TRMT1L: variants seen among roughly 807,000 people sequenced by gnomAD.
TRMT1L encodes tRNA methyltransferase 1L.
In TRMT1L, 28 loss-of-function variants were observed where a neutral mutation model predicts 81.6. That is an observed-to-expected ratio of 0.34 (90% CI 0.25 to 0.47). TRMT1L has a LOEUF of 0.47. TRMT1L is among the 20% of genes least tolerant of loss of function. TRMT1L has a pLI of 1.00. For missense variants in TRMT1L, 739 were observed against 877.1 expected (o/e 0.84, Z 1.99); for synonymous variants, 301 against 303.2 (o/e 0.99, Z 0.07).
intron 2 of TRMT1L, 141 bp from the exon 3 acceptor site, chr1:185,150,633 A>T: frequency 1.5e-6 from 1 of 664,928 alleles, no homozygotes; most frequent in Non-Finnish European, 2.6e-6. Context: ...ATTATTCTTG[A>T]CCCAGGAGAC....
At chr1:185,135,176 G>T (rs1652862583) in intron 10 of TRMT1L, among the ~76,000 whole-genome samples, 1 of 152,150 alleles carries the variant, frequency 6.6e-6, no homozygotes, top group African/African-American at 2.4e-5. Context: ...AGTGCTTTGG[G>T]AGGCCAAGGC....
At chr1:185,129,773 G>T (rs1222333915) in intron 10 of TRMT1L, among the ~76,000 whole-genome samples, 5 of 152,160 alleles carry the variant, frequency 3.3e-5, no homozygotes, top group African/African-American at 1.2e-4. Context: ...GTCCTTCACT[G>T]CTCCTAGGTC....
chr1:185,120,130 A>C lies in TRMT1L; in HGVS notation c.2091T>G (p.Thr697=), dbSNP rs1652462279. The part of the protein sequence containing the change: ...ILLKYSTPTY[T]GGQSESHVQS... ...GGACATGGCTTTCTGACTGTCCTCCAGTGTAGGTGGGGGTGCTGTACTTTA... is the reference window on the plus strand; with the variant it reads ...GGACATGGCTTTCTGACTGTCCTCCCGTGTAGGTGGGGGTGCTGTACTTTA... The change falls in exon 15 of 15, where the codon ACT becomes ACG. Residue 697 remains threonine, a synonymous_variant. Coordinates refer to ENST00000367506, the MANE Select transcript of TRMT1L (RefSeq NM_030934.5). The C allele has an allele frequency of 3.1e-6, 5 of 1,613,958 alleles. No individual in the cohort carries two copies. In the East Asian group the frequency reaches 6.7e-5, roughly 22 times the overall value.
chr1:185,122,637 G>A (rs569393588), intron 13 of TRMT1L, among the ~76,000 whole-genome samples: 7 of 151,176 alleles, frequency 4.6e-5, no homozygotes, highest in African/African-American at 1.7e-4. Context: ...GGACCTGGCT[G>A]AGTTTATATA....
At position 185,120,291 on chromosome 1, in the gene TRMT1L, G is replaced by T; in HGVS notation, c.1950-20C>A. 1 of 1,502,386 alleles carries T rather than the reference G, an allele frequency of 6.7e-7. No individual in the cohort carries two copies. Among genetic ancestry groups the T allele is most frequent in the Non-Finnish European group, 8.9e-7 (1 of 1,126,946 alleles). 93.1% of individuals were successfully genotyped at this position (1,502,386 alleles called of 1,614,324 possible). ...TTTAACCTGCAAAAAGGAAAGGAAA[G>T]AAAAAATAATCAGGTTCTTGTATTT... On this transcript the variant is annotated intron_variant, in intron 14 of 14. Coordinates refer to ENST00000367506, the MANE Select transcript of TRMT1L (RefSeq NM_030934.5).
Position 185,123,865 on chromosome 1 carries a change from A to G in TRMT1L, c.1814T>C (p.Ile605Thr). 1 of 1,512,498 alleles carries G rather than the reference A, an allele frequency of 6.6e-7. No homozygotes were observed. The highest frequency in any genetic ancestry group is 1.3e-5 in the South Asian group (1 of 77,894). The allele number at this position is 1,512,498 out of a possible 1,614,324, so 93.7% of individuals were successfully genotyped here. The change falls in exon 13 of 15, where the codon ATT becomes ACT. Residue 605 changes from isoleucine (I) to threonine (T), a missense_variant. Ile to Thr is a moderately conservative substitution (Grantham distance 89). Around this residue, in one of 4 missense-constraint regions of TRMT1L, gnomAD observed 196 missense variants for 232.6 expected, o/e 0.84. Coordinates refer to ENST00000367506, the MANE Select transcript of TRMT1L (RefSeq NM_030934.5). ...TTDDTTTDNY[I>T]AQGKRKSNEM... ...CATATATGCATACATACCTTGTGCA[A>G]TGTAATTATCTGTTGTGGTGTCATC...
At chr1:185,137,489 C>T in intron 10 of TRMT1L, 117 bp downstream of exon 10, 1 of 1,062,322 alleles carries the variant, frequency 9.4e-7, no homozygotes, top group South Asian at 1.3e-5. Flanking sequence ...TAGGAAATAA[C>T]AAAGTTAGCA....
intron 1 of TRMT1L, among the ~76,000 whole-genome samples, chr1:185,152,420 G>C (rs867964727): frequency 3.3e-5 from 5 of 152,246 alleles, no homozygotes; most frequent in South Asian, 4.1e-4. Flanking sequence ...CTGGAATGTG[G>C]TATGTTTGGG....
Position 185,118,367 on chromosome 1 carries a change from G to T in TRMT1L, c.*1652C>A. On this transcript the variant is annotated 3_prime_UTR_variant, in exon 15 of 15. Coordinates refer to ENST00000367506, the MANE Select transcript of TRMT1L (RefSeq NM_030934.5). Reference sequence around the variant, plus strand: ...TATTTTAGGTAACAGTAATTTACAGGTTTCTTTATTAAATTAGGATCTTTG... The same window carrying T: ...TATTTTAGGTAACAGTAATTTACAGTTTTCTTTATTAAATTAGGATCTTTG... 1 of 151,970 alleles carries T rather than the reference G, an allele frequency of 6.6e-6. No homozygotes were observed. The highest frequency in any genetic ancestry group is 2.4e-5 in the African/African-American group (1 of 41,424). 9.4% of individuals were successfully genotyped at this position (151,970 alleles called of 1,614,324 possible). A position where few individuals can be genotyped will look rare whatever the true frequency, so the allele number is the denominator to read the frequency against.
chr1:185,151,497 A>G (rs116056675), intron 2 of TRMT1L, among the ~76,000 whole-genome samples: 109 of 152,290 alleles, frequency 7.2e-4, no homozygotes, highest in African/African-American at 2.6e-3. Context: ...TTGGGACTTC[A>G]TTTACCTGAC....
Position 185,156,867 on chromosome 1 carries a change from C to T in TRMT1L, c.-155G>A. The stretch of plus-strand genomic sequence containing the variant: ...GTGCAACAGACAAAAGATGAAGAAC[C>T]AGTGACCAAATCCTGTTAGTAGAAA... On this transcript the variant is annotated 5_prime_UTR_variant, in exon 1 of 15. Coordinates refer to ENST00000367506, the MANE Select transcript of TRMT1L (RefSeq NM_030934.5). The T allele has an allele frequency of 9.7e-7, 1 of 1,033,522 alleles. No individual in the cohort carries two copies. The highest frequency in any genetic ancestry group is 2.9e-5 in the East Asian group (1 of 33,966). 64.0% of individuals were successfully genotyped at this position (1,033,522 alleles called of 1,614,324 possible).
In TRMT1L at chr1:185,120,087, T is replaced by TA; in HGVS notation, c.2133dup (p.Thr712TyrfsTer4). The TA allele has an allele frequency of 1.2e-6, 2 of 1,614,020 alleles. No homozygotes were observed. The stretch of plus-strand genomic sequence containing the variant: ...GACATTTCAACTCTTTCAGTTACTG[T>TA]ATCTTCAGATGCTGACTGGACATGG... On this transcript the variant is annotated frameshift_variant, in exon 15 of 15. Coordinates refer to ENST00000367506, the MANE Select transcript of TRMT1L (RefSeq NM_030934.5). LOFTEE classifies it high-confidence loss of function.
At chr1:185,138,998 G>C (rs1652969296) in intron 9 of TRMT1L, among the ~76,000 whole-genome samples, 1 of 152,106 alleles carries the variant, frequency 6.6e-6, no homozygotes, top group Non-Finnish European at 1.5e-5. Context: ...ATGTTGGCCA[G>C]GAGTCTTGTT....
chr1:185,137,515 T>A, intron 10 of TRMT1L, 91 bp downstream of exon 10: 1 of 1,314,138 alleles, frequency 7.6e-7, no homozygotes, highest in Non-Finnish European at 1.1e-6. Context: ...ATCTTTAAAA[T>A]CAAAGGACAA....
rs1447267617 is a variant in TRMT1L at position 185,145,549 on chromosome 1, G to A, written c.545C>T (p.Ala182Val). The A allele has an allele frequency of 1.2e-6, 2 of 1,611,102 alleles. No individual in the cohort carries two copies. Among genetic ancestry groups the A allele is most frequent in the South Asian group, 1.1e-5 (1 of 90,882 alleles). The change falls in exon 5 of 15, where the codon GCC becomes GTC. Residue 182 changes from alanine (A) to valine (V), a missense_variant. Physicochemically the swap from Ala to Val is moderately conservative, Grantham distance 64. This residue lies in a region of TRMT1L where 331 missense variants were observed against 462.2 expected (regional missense o/e 0.72). Coordinates refer to ENST00000367506, the MANE Select transcript of TRMT1L (RefSeq NM_030934.5). ...IGEQITSKMGAHYHCIICSAT... is the reference protein window; with the variant it reads ...IGEQITSKMGVHYHCIICSAT... ...TGAACAAATGATACAATGATAATGG[G>A]CTCCCATTTTACTGGTTATCTATCA...
intron 10 of TRMT1L, among the ~76,000 whole-genome samples, chr1:185,130,926 T>C (rs913043749): frequency 6.6e-6 from 1 of 152,192 alleles, no homozygotes; most frequent in South Asian, 2.1e-4. Flanking sequence ...TGTATACTTG[T>C]TGACATTTGG....
chr1:185,120,164 G>C lies in TRMT1L; in HGVS notation c.2057C>G (p.Ser686Cys), dbSNP rs763217069. Residue 686 changes from serine to cysteine, a missense_variant, in exon 15 of 15, where the codon TCT (serine) becomes TGT (cysteine). Coordinates refer to ENST00000367506, the MANE Select transcript of TRMT1L (RefSeq NM_030934.5). ...GGGGGTGCTGTACTTTAAAAGGATA[G>C]ATTTAAACTGCATCAGAGGTGCATC... ...RTDAPLMQFKSILLKYSTPTY... is the reference protein window; with the variant it reads ...RTDAPLMQFKCILLKYSTPTY... The C allele has an allele frequency of 1.2e-6, 2 of 1,613,930 alleles. No individual in the cohort carries two copies. The highest frequency in any genetic ancestry group is 4.5e-5 in the East Asian group (2 of 44,874).
rs1653118644 is a variant in TRMT1L, at chr1:185,143,976, G to C, written c.709C>G (p.Gln237Glu). Residue 237 changes from glutamine (Q) to glutamate (E), a missense_variant, in exon 6 of 15, where the codon CAA becomes GAA. Around this residue, in one of 4 missense-constraint regions of TRMT1L, gnomAD observed 331 missense variants for 462.2 expected, o/e 0.72. Coordinates refer to ENST00000367506, the MANE Select transcript of TRMT1L (RefSeq NM_030934.5). ...EILKEADTDV[Q>E]VCPNYSIPQK... The stretch of plus-strand genomic sequence containing the variant: ...GGTATAGAATAGTTGGGACAAACTT[G>C]TACATCCGTGTCTGCCTCTTTCAAA... 6 of 1,610,796 alleles carry C rather than the reference G, an allele frequency of 3.7e-6. No homozygotes were observed. Among genetic ancestry groups the C allele is most frequent in the Non-Finnish European group, 4.2e-6 (5 of 1,177,886 alleles).
At chr1:185,124,725 T>C in intron 12 of TRMT1L, 1 of 296,866 alleles carries the variant, frequency 3.4e-6, no homozygotes, top group Non-Finnish European at 6.1e-6. Flanking sequence ...CCAACAACAC[T>C]ATTCATCATT....
Sources: allele counts gnomAD v4.1 joint callset (sites outside exome capture counted in the v4.1 genomes callset), GRCh38; gene constraint gnomAD v4.1.1; regional missense constraint gnomAD v4.1.1; transcripts MANE v1.5; gene names NCBI Gene and HGNC (gene_info 2026-07-23, HGNC 2026-07-21).